Variants in WWC2 observed in about 807,000 individuals in gnomAD.
WWC2 encodes WW and C2 domain containing 2.
In WWC2, 101 loss-of-function variants were observed where a neutral mutation model predicts 138.5. The observed-to-expected ratio is 0.73, with a 90% CI of 0.62 to 0.86. The LOEUF is 0.86. Ranked by LOEUF, WWC2 falls within the 40% of genes least tolerant of loss-of-function variation. The pLI, the probability that WWC2 is intolerant of heterozygous loss-of-function variation, is 0.00. For missense variants in WWC2, 1,420 were observed against 1,419.4 expected, an observed-to-expected ratio of 1.00 and a Z score of -0.01; for synonymous variants, 558 against 538.4, an observed-to-expected ratio of 1.04 and a Z score of -0.50.
At chr4:183,258,112 A>C (rs563518810) in intron 9 of WWC2, among the ~76,000 whole-genome samples, 13 of 152,354 alleles carry the variant, frequency 8.5e-5, no homozygotes, top group African/African-American at 3.1e-4. Flanking sequence ...TCATTTTAAT[A>C]AAAGCAATAT....
chr4:183,139,036 C>T (rs1733209510), intron 1 of WWC2, among the ~76,000 whole-genome samples: 1 of 152,040 alleles, frequency 6.6e-6, no homozygotes, highest in Non-Finnish European at 1.5e-5. Flanking sequence ...GAGTGGCAGT[C>T]GATTGTAGTG....
Position 183,206,732 on chromosome 4 carries a change from G to A in WWC2, c.242-1221G>A, listed in dbSNP as rs184479212. On this transcript the variant is annotated intron_variant, in intron 2 of 22. Transcript: ENST00000403733. ...CCAGTACATGTCTGCAGACACAGGG[G>A]GATAGCTCTTAACCAGCCTGCACTA... is the stretch of plus-strand genomic sequence containing the variant. 1.6e-3 allele frequency among the ~76,000 whole-genome samples: 242 copies of A among 152,160 alleles called. 3 individuals are homozygous for A. Among genetic ancestry groups the A allele is most frequent in the African/African-American group, 5.5e-3 (230 of 41,510 alleles).
Position 183,292,897 on chromosome 4 carries a change from T to G in WWC2, c.3384+3262T>G, listed in dbSNP as rs544146194. Among the ~76,000 whole-genome samples, 24 of 152,326 alleles carry G rather than the reference T, an allele frequency of 1.6e-4. 1 individual carries two copies. In the South Asian group the frequency reaches 4.6e-3, roughly 29 times the overall value. Reference sequence around the variant, plus strand: ...AATATTGGTAAACAGAATCCAACACTGTATTAAAAAGATTGTACATGTTGA... The same window carrying G: ...AATATTGGTAAACAGAATCCAACACGGTATTAAAAAGATTGTACATGTTGA... On this transcript the variant is annotated intron_variant, in intron 21 of 22. Transcript: ENST00000403733.
chr4:183,099,683 C>A, intron 1 of WWC2, 61 bp downstream of exon 1: 2 of 1,182,094 alleles, frequency 1.7e-6, no homozygotes, highest in Non-Finnish European at 1.1e-6. Context: ...TCCCGGAGAC[C>A]CGGCCGCGCG....
At position 183,195,830 on chromosome 4, in the gene WWC2, C is replaced by T. The variant is rs79560654; in HGVS notation, c.241+2122C>T. Among the ~76,000 whole-genome samples, 826 of 152,172 alleles carry T rather than the reference C, an allele frequency of 5.4e-3. 6 individuals carry two copies. The highest frequency in any genetic ancestry group is 0.019 in the African/African-American group (797 of 41,516). The stretch of plus-strand genomic sequence containing the variant: ...CATTGTTCTCCACCATCTCACAGAA[C>T]CTGTTCTTGCTGAGGGCACCCGAGA... On this transcript the variant is annotated intron_variant, in intron 2 of 22. Coordinates refer to ENST00000403733, the MANE Select transcript of WWC2 (RefSeq NM_024949.6).
intron 4 of WWC2, among the ~76,000 whole-genome samples, chr4:183,226,090 CTTTTCTTT>C (rs1736064407): frequency 7.2e-6 from 1 of 138,278 alleles, no homozygotes; most frequent in Non-Finnish European, 1.5e-5. Context: ...CTTTTCTTTT[CTTTTCTTT>C]TTTTTTTTTT....
At chr4:183,221,375 C>A (rs1735931143) in intron 4 of WWC2, among the ~76,000 whole-genome samples, 1 of 152,318 alleles carries the variant, frequency 6.6e-6, no homozygotes, top group Admixed American at 6.5e-5. Context: ...GTCAGATAAT[C>A]AGCAATGCTG....
intron 21 of WWC2, among the ~76,000 whole-genome samples, chr4:183,305,814 A>G (rs960307979): frequency 1.2e-4 from 18 of 152,230 alleles, no homozygotes; most frequent in African/African-American, 4.1e-4. Flanking sequence ...GGATCTATGT[A>G]AACAAAGGAA....
Position 183,320,048 on chromosome 4 carries a change from T to C in WWC2, c.*4319T>C, listed in dbSNP as rs370101040. On this transcript the variant is annotated 3_prime_UTR_variant, in exon 23 of 23. Coordinates refer to ENST00000403733, the MANE Select transcript of WWC2 (RefSeq NM_024949.6). ...CCTTGCATTGCATCCCCACTTCCTC[T>C]TGGATGACACAGGTTTGCCAGAGTC... 6.2e-7 allele frequency: 1 copy of C among 1,613,988 alleles called. No homozygotes were observed.
chr4:183,304,933 C>A (rs989364633), intron 21 of WWC2, among the ~76,000 whole-genome samples: 2 of 152,146 alleles, frequency 1.3e-5, no homozygotes, highest in African/African-American at 4.8e-5. Flanking sequence ...TCACACATGG[C>A]AGGGATGCTG....
intron 1 of WWC2, among the ~76,000 whole-genome samples, chr4:183,113,511 T>TGC (rs764721220): frequency 1.2e-4 from 15 of 130,156 alleles, no homozygotes; most frequent in East Asian, 2.1e-4. Flanking sequence ...TGTGTGTGTG[T>TGC]GTGTGCGCGC....
At chr4:183,312,244 TG>T (rs754931212) in intron 21 of WWC2, 96 bp from the exon 22 acceptor site, 881 of 1,539,222 alleles carry the variant, frequency 5.7e-4, no homozygotes, top group Non-Finnish European at 6.6e-4. Flanking sequence ...CTTGCCCTCC[TG>T]ACTTTAGTCC....
intron 4 of WWC2, among the ~76,000 whole-genome samples, chr4:183,236,879 T>C (rs1326890230): frequency 5.3e-5 from 8 of 152,324 alleles, no homozygotes; most frequent in African/African-American, 1.7e-4. Context: ...ATTCTTCCAA[T>C]CCATGAACAT....
chr4:183,119,840 C>T (rs571335674), intron 1 of WWC2, among the ~76,000 whole-genome samples: 2 of 152,202 alleles, frequency 1.3e-5, no homozygotes, highest in African/African-American at 4.8e-5. Flanking sequence ...CTTAGTACTA[C>T]GTTCATTTTC....
chr4:183,269,640 G>A, intron 15 of WWC2: 1 of 372,246 alleles, frequency 2.7e-6, no homozygotes, highest in Non-Finnish European at 5.4e-6. Flanking sequence ...AGTAAGCGAT[G>A]AAGCCAGATA....
intron 17 of WWC2, among the ~76,000 whole-genome samples, chr4:183,281,859 A>G (rs997443203): frequency 3.9e-5 from 6 of 152,302 alleles, no homozygotes; most frequent in Admixed American, 3.9e-4. Context: ...TCATATATGT[A>G]AAATACAAGT....
chr4:183,259,799 T>C, intron 10 of WWC2, 71 bp downstream of exon 10: 7 of 1,028,632 alleles, frequency 6.8e-6, no homozygotes, highest in Middle Eastern at 4.1e-4. Context: ...TTTGATTACT[T>C]TTCACTTTAT....
chr4:183,159,736 A>T (rs1733907263), intron 1 of WWC2, among the ~76,000 whole-genome samples: 1 of 151,744 alleles, frequency 6.6e-6, no homozygotes, highest in Admixed American at 6.6e-5. Context: ...TTTTAAAAAA[A>T]AAAAATTGTT....
chr4:183,257,928 A>G (rs1215826723), intron 9 of WWC2, among the ~76,000 whole-genome samples: 1 of 152,170 alleles, frequency 6.6e-6, no homozygotes, highest in Non-Finnish European at 1.5e-5. Context: ...ACACAAAGAC[A>G]GGCATCTGTG....
Sources: gnomAD v4.1 joint callset for allele counts (sites outside exome capture counted in the v4.1 genomes callset) on GRCh38, gnomAD v4.1.1 for gene constraint, MANE v1.5 for transcripts, NCBI Gene and HGNC (gene_info 2026-07-23, HGNC 2026-07-21) for gene names.